Variants in G3BP2 observed in about 807,000 individuals in gnomAD.
G3BP2 encodes G3BP stress granule assembly factor 2.
A neutral mutation model predicts 56.7 loss-of-function variants in G3BP2; 11 were observed. The observed-to-expected ratio is 0.19, with a 90% CI of 0.12 to 0.32. The LOEUF (loss-of-function observed/expected upper bound fraction) is 0.32, where lower values mean the gene tolerates loss of function less well. G3BP2 is among the 10% of genes least tolerant of loss of function. The pLI is 1.00. For synonymous variants in G3BP2, 165 were observed against 191.6 expected, an observed-to-expected ratio of 0.86 and a Z score of 1.15; for missense variants, 340 against 610.9, an observed-to-expected ratio of 0.56 and a Z score of 4.67.
intron 8 of G3BP2, among the ~76,000 whole-genome samples, chr4:75,651,708 G>C (rs1455276400): frequency 6.6e-6 from 1 of 152,132 alleles, no homozygotes. Flanking sequence ...TTAATTCCAT[G>C]CAACCAGAAA....
chr4:75,667,483 A>C (rs954002664), intron 1 of G3BP2, among the ~76,000 whole-genome samples: 1 of 152,192 alleles, frequency 6.6e-6, no homozygotes, highest in African/African-American at 2.4e-5. Context: ...TGACACCTGA[A>C]AATGTGAAGA....
chr4:75,718,090 A>T (rs7356270), intron 3 of G3BP2, among the ~76,000 whole-genome samples: 1 of 151,604 alleles, frequency 6.6e-6, no homozygotes, highest in African/African-American at 2.4e-5. Context: ...GAGCCAAGGT[A>T]GCATCACTGC....
Position 75,658,816 on chromosome 4 carries a change from T to C in G3BP2, c.177+27A>G, listed in dbSNP as rs752536766. The C allele has an allele frequency of 2.1e-6, 3 of 1,415,486 alleles. No individual in the cohort carries two copies. The South Asian group carries it at 3.4e-5, about 16-fold the overall frequency. 87.7% of individuals were successfully genotyped at this position (1,415,486 alleles called of 1,614,324 possible). On this transcript the variant is annotated intron_variant, in intron 3 of 11. Coordinates refer to ENST00000359707, the MANE Select transcript of G3BP2 (RefSeq NM_203505.3). The stretch of plus-strand genomic sequence containing the variant: ...AATCTCCATCTTAACACAAAATTTC[T>C]AAACTACATATGAAATTGATACTTA...
intron 1 of G3BP2, among the ~76,000 whole-genome samples, chr4:75,668,296 C>T (rs1042188448): frequency 6.6e-6 from 1 of 152,158 alleles, no homozygotes; most frequent in Non-Finnish European, 1.5e-5. Flanking sequence ...CTCTCCTTTC[C>T]TCAAACTTTG....
chr4:75,657,191 C>A (rs978983350), intron 4 of G3BP2, among the ~76,000 whole-genome samples, 177 bp from the exon 5 acceptor site: 5 of 152,060 alleles, frequency 3.3e-5, no homozygotes, highest in Middle Eastern at 3.2e-3. Context: ...CTCAAAAAAA[C>A]ATAATAGCAA....
rs549198454 is a variant in G3BP2, at chr4:75,685,785, A to G, written c.-24-23736T>C. 3.9e-5 allele frequency among the ~76,000 whole-genome samples: 6 copies of G among 152,358 alleles called. 1 individual carries two copies. Among genetic ancestry groups the G allele is most frequent in the African/African-American group, 1.4e-4 (6 of 41,592 alleles). On this transcript the variant is annotated intron_variant, in intron 3 of 3. Coordinates refer to the G3BP2 transcript ENST00000499709. ...CATCACTCTTCACTGGGTGACAGGT[A>G]CATAGCTTCCAGACATGGTTCCTAA...
At chr4:75,700,243 G>A (rs904533337) in intron 3 of G3BP2, among the ~76,000 whole-genome samples, 4 of 150,878 alleles carry the variant, frequency 2.7e-5, no homozygotes, top group East Asian at 2.0e-4. Context: ...TAGTAGAGAC[G>A]GGGTTTGACC....
chr4:75,669,095 C>T (rs910944998), intron 1 of G3BP2, among the ~76,000 whole-genome samples: 3 of 152,176 alleles, frequency 2.0e-5, no homozygotes, highest in African/African-American at 7.2e-5. Flanking sequence ...TTCTATAAGG[C>T]AAATTTTCCT....
At chr4:75,702,207 G>C (rs1434750506) in intron 3 of G3BP2, among the ~76,000 whole-genome samples, 3 of 125,412 alleles carry the variant, frequency 2.4e-5, no homozygotes, top group African/African-American at 9.0e-5. Context: ...ACAGGGTCTG[G>C]CTCTGTTGCC....
intron 3 of G3BP2, among the ~76,000 whole-genome samples, chr4:75,699,730 A>C (rs1560418797): frequency 6.6e-6 from 1 of 152,084 alleles, no homozygotes; most frequent in Non-Finnish European, 1.5e-5. Flanking sequence ...TTTCTCTTAT[A>C]GTTGTTGTTT....
intron 3 of G3BP2, among the ~76,000 whole-genome samples, chr4:75,679,179 T>C (rs1434276569): frequency 2.0e-5 from 3 of 152,232 alleles, no homozygotes; most frequent in African/African-American, 7.2e-5. Context: ...TGATGAACTT[T>C]TATAGACTTT....
chr4:75,718,525 T>C (rs1407406183), intron 3 of G3BP2, among the ~76,000 whole-genome samples: 3 of 152,228 alleles, frequency 2.0e-5, no homozygotes, highest in African/African-American at 7.2e-5. Context: ...TGAGCATGTA[T>C]TGTTTTTCTT....
intron 3 of G3BP2, among the ~76,000 whole-genome samples, chr4:75,714,474 A>G (rs561825690): frequency 6.6e-6 from 1 of 152,250 alleles, no homozygotes; most frequent in South Asian, 2.1e-4. Flanking sequence ...TAAAAATACA[A>G]AAAATTAACT....
chr4:75,672,479 G>C (rs1054558344), intron 1 of G3BP2: 4 of 152,194 alleles, frequency 2.6e-5, no homozygotes, highest in Admixed American at 6.5e-5. Context: ...GTCTGCATAA[G>C]AGGGGGACGA....
chr4:75,684,844 C>T (rs530474851), intron 3 of G3BP2, among the ~76,000 whole-genome samples: 45 of 151,576 alleles, frequency 3.0e-4, no homozygotes, highest in African/African-American at 1.0e-3. Context: ...TAAAATGGGT[C>T]TATGTCCTAA....
chr4:75,667,545 TAC>T (rs1470672039), intron 1 of G3BP2, among the ~76,000 whole-genome samples: 1 of 152,192 alleles, frequency 6.6e-6, no homozygotes, highest in Admixed American at 6.5e-5. Context: ...ATTAGCTCTA[TAC>T]ACAGTCAAAG....
chr4:75,684,361 C>T (rs1718480004), intron 3 of G3BP2, among the ~76,000 whole-genome samples: 1 of 151,928 alleles, frequency 6.6e-6, no homozygotes, highest in Non-Finnish European at 1.5e-5. Context: ...ACCAAGATCA[C>T]ACCACTGCAC....
At position 75,648,756 on chromosome 4, in the gene G3BP2, A is replaced by C; in HGVS notation, c.826-15T>G. ...TCGACTCTTGGCTAAAATATAAAGA[A>C]AAAAAAACATTATAAAAAACACTCC... is the stretch of plus-strand genomic sequence containing the variant. On this transcript the variant is annotated splice_polypyrimidine_tract_variant and intron_variant, in intron 8 of 11. Transcript: ENST00000359707. The C allele has an allele frequency of 6.5e-7, 1 of 1,532,434 alleles. No individual in the cohort carries two copies. Among genetic ancestry groups the C allele is most frequent in the Non-Finnish European group, 9.0e-7 (1 of 1,109,692 alleles). The allele number at this position is 1,532,434 out of a possible 1,614,324, so 94.9% of individuals were successfully genotyped here. A position where few individuals can be genotyped will look rare whatever the true frequency, so the allele number is the denominator to read the frequency against.
At chr4:75,691,864 A>G (rs1166997805) in intron 3 of G3BP2, among the ~76,000 whole-genome samples, 1 of 152,106 alleles carries the variant, frequency 6.6e-6, no homozygotes, top group Non-Finnish European at 1.5e-5. Context: ...CATTACCTAA[A>G]CACACACACA....
Sources: gnomAD v4.1 joint callset for allele counts (sites outside exome capture counted in the v4.1 genomes callset) on GRCh38, gnomAD v4.1.1 for gene constraint, MANE v1.5 for transcripts, NCBI Gene and HGNC (gene_info 2026-07-23, HGNC 2026-07-21) for gene names.